Variants in SHROOM2 observed in about 807,000 individuals in gnomAD.
The protein encoded by SHROOM2 is protein Shroom2.
SHROOM2 carries 33 observed loss-of-function variants against 75.9 expected under a neutral mutation model. That is an observed-to-expected ratio of 0.43 (90% CI 0.33 to 0.58). The LOEUF is 0.58. Among genes scored for constraint, SHROOM2 ranks in the 20% least tolerant of loss-of-function variants. The pLI is 0.04. For synonymous variants in SHROOM2, 655 were observed against 663.6 expected (o/e 0.99, Z 0.20); for missense variants, 1,434 against 1,461.2 (o/e 0.98, Z 0.30).
At chrX:9,866,084 A>AT (rs773543500) in intron 1 of SHROOM2, among the ~76,000 whole-genome samples, 7,457 of 78,691 alleles carry the variant, frequency 0.095, 657 homozygotes, top group East Asian at 0.3. Context: ...GGGGCCAGGA[A>AT]TTTTTTTTTT....
intron 1 of SHROOM2, among the ~76,000 whole-genome samples, chrX:9,787,369 A>T (rs1232241048): frequency 6.2e-5 from 7 of 112,174 alleles, no homozygotes; most frequent in Admixed American, 5.7e-4. Context: ...GCTTTAGAAC[A>T]TTGAATTTTA....
At chrX:9,889,216 A>C (rs1453027397) in intron 2 of SHROOM2, among the ~76,000 whole-genome samples, 1 of 112,389 alleles carries the variant, frequency 8.9e-6, no homozygotes, top group Non-Finnish European at 1.9e-5. Flanking sequence ...TAAAGTCAGC[A>C]TGTTCCACAT....
intron 1 of SHROOM2, among the ~76,000 whole-genome samples, chrX:9,853,631 G>C (rs773549312): frequency 9.0e-6 from 1 of 111,729 alleles, no homozygotes; most frequent in South Asian, 3.8e-4. Flanking sequence ...TCCCTCATCT[G>C]TTGTGGACAC....
chrX:9,830,664 C>T (rs2083911705), intron 1 of SHROOM2, among the ~76,000 whole-genome samples: 1 of 82,404 alleles, frequency 1.2e-5, no homozygotes, highest in South Asian at 7.6e-4. Context: ...TGCAATGGCG[C>T]GATCTTGGCT....
intron 6 of SHROOM2, among the ~76,000 whole-genome samples, chrX:9,935,751 G>C (rs973081168): frequency 1.8e-5 from 2 of 111,916 alleles, no homozygotes; most frequent in Non-Finnish European, 3.8e-5. Flanking sequence ...GAGCATCGTG[G>C]CTGCCCTCCT....
chrX:9,891,854 CAGTG>C (rs781067690), intron 3 of SHROOM2, among the ~76,000 whole-genome samples: 2 of 103,505 alleles, frequency 1.9e-5, no homozygotes, highest in East Asian at 6.5e-4. Flanking sequence ...GTGTGAGTAT[CAGTG>C]AGCATGTTTG....
At chrX:9,835,466 C>T (rs903252321) in intron 1 of SHROOM2, among the ~76,000 whole-genome samples, 5 of 112,229 alleles carry the variant, frequency 4.5e-5, no homozygotes, top group African/African-American at 1.6e-4. Flanking sequence ...GCTGCACTAG[C>T]GTTTAGGAAA....
chrX:9,850,326 A>G (rs1458008317), intron 1 of SHROOM2, among the ~76,000 whole-genome samples: 2 of 111,835 alleles, frequency 1.8e-5, no homozygotes, highest in Non-Finnish European at 3.8e-5. Context: ...TTATTGATTA[A>G]TTGGTTGGTT....
chrX:9,796,531 C>T (rs2083695954), intron 1 of SHROOM2, among the ~76,000 whole-genome samples: 1 of 112,199 alleles, frequency 8.9e-6, no homozygotes, highest in African/African-American at 3.2e-5. Flanking sequence ...TGATTCTTTC[C>T]TCTCCTCTAC....
chrX:9,948,636 A>G lies in SHROOM2; in HGVS notation c.*1699A>G, dbSNP rs1392411761. 2 of 113,832 alleles carry G rather than the reference A, an allele frequency of 1.8e-5. No homozygotes were observed. The highest frequency in any genetic ancestry group is 3.2e-5 in the African/African-American group (1 of 31,291). The allele number at this position is 113,832 out of a possible 1,213,427, so 9.4% of individuals were successfully genotyped here. On this transcript the variant is annotated 3_prime_UTR_variant, in exon 10 of 10. Coordinates refer to ENST00000380913, the MANE Select transcript of SHROOM2 (RefSeq NM_001649.4). Reference sequence around the variant, plus strand: ...ATGCATTCTCTATAGAGCCAAGTCCAAACTGGCAAGCTCAATGATGCAGGC... The same window carrying G: ...ATGCATTCTCTATAGAGCCAAGTCCGAACTGGCAAGCTCAATGATGCAGGC...
At chrX:9,917,827 T>C (rs1343401966) in intron 5 of SHROOM2, among the ~76,000 whole-genome samples, 1 of 111,758 alleles carries the variant, frequency 8.9e-6, no homozygotes, top group Non-Finnish European at 1.9e-5. Flanking sequence ...CTGGCCAATA[T>C]TGTTATTACA....
chrX:9,816,684 A>G (rs1438834962), intron 1 of SHROOM2, among the ~76,000 whole-genome samples: 1 of 111,011 alleles, frequency 9.0e-6, no homozygotes, highest in African/African-American at 3.3e-5. Flanking sequence ...TCTGGGGTTC[A>G]GACAGCGAGC....
At chrX:9,816,933 A>G (rs1250385097) in intron 1 of SHROOM2, among the ~76,000 whole-genome samples, 2 of 111,495 alleles carry the variant, frequency 1.8e-5, no homozygotes, top group Non-Finnish European at 3.8e-5. Context: ...TCTTCATCAT[A>G]ACATTGTAGG....
chrX:9,921,112 A>G (rs2084540523), intron 5 of SHROOM2, among the ~76,000 whole-genome samples: 1 of 111,006 alleles, frequency 9.0e-6, no homozygotes, highest in African/African-American at 3.3e-5. Context: ...GTCTGTTGGC[A>G]GGAGGCCTCA....
intron 1 of SHROOM2, among the ~76,000 whole-genome samples, chrX:9,862,253 A>G (rs1233961957): frequency 9.0e-6 from 1 of 111,449 alleles, no homozygotes; most frequent in Non-Finnish European, 1.9e-5. Flanking sequence ...AAAGAATACG[A>G]GAATAGCAGA....
chrX:9,823,359 C>T (rs969524046), intron 1 of SHROOM2, among the ~76,000 whole-genome samples: 11 of 110,202 alleles, frequency 1.0e-4, no homozygotes, highest in African/African-American at 1.7e-4. Context: ...CCTCCTGCCT[C>T]AGCCTCCCAA....
Position 9,891,004 on chromosome X carries a change from C to A in SHROOM2, c.345C>A (p.His115Gln), listed in dbSNP as rs780276520. The change falls in exon 3 of 10, where the codon CAC becomes CAA. Residue 115 changes from histidine to glutamine, a missense_variant. This residue lies in a region of SHROOM2 where 1,340 missense variants were observed against 1,338.3 expected (regional missense o/e 1.00). Transcript: ENST00000380913. ...GGAGCGAGCTGGGCTGGAGGCCTCACTCCTGGCATGCCACCAAGTTCTCTG... is the reference window on the plus strand; with the variant it reads ...GGAGCGAGCTGGGCTGGAGGCCTCAATCCTGGCATGCCACCAAGTTCTCTG... ...KRRSELGWRPHSWHATKFSDS... is the reference protein window; with the variant it reads ...KRRSELGWRPQSWHATKFSDS... 3.0e-5 allele frequency: 36 copies of A among 1,204,773 alleles called. No individual in the cohort carries two copies. The highest frequency in any genetic ancestry group is 4.0e-5 in the Non-Finnish European group (36 of 892,659).
intron 1 of SHROOM2, among the ~76,000 whole-genome samples, chrX:9,805,802 C>T (rs1346529517): frequency 5.5e-5 from 6 of 108,262 alleles, no homozygotes; most frequent in Non-Finnish European, 9.6e-5. Context: ...GTGGTTCTCA[C>T]GAGTTGGAGT....
intron 6 of SHROOM2, among the ~76,000 whole-genome samples, chrX:9,935,233 G>A: frequency 9.0e-6 from 1 of 111,444 alleles, no homozygotes; most frequent in East Asian, 2.8e-4. Context: ...GGGAGCCGGG[G>A]GGGCGGGGGT....
Sources: allele counts gnomAD v4.1 joint callset (sites outside exome capture counted in the v4.1 genomes callset), GRCh38; gene constraint gnomAD v4.1.1; regional missense constraint gnomAD v4.1.1; transcripts MANE v1.5; gene names NCBI Gene and HGNC (gene_info 2026-07-23, HGNC 2026-07-21).